Variants in LRFN2 observed in about 807,000 individuals in gnomAD.
LRFN2 encodes leucine rich repeat and fibronectin type III domain containing 2.
Under a neutral mutation model 37.3 loss-of-function variants are expected in LRFN2, and 18 were observed. The ratio of observed to expected loss-of-function variants is 0.48; its 90% confidence interval spans 0.33 to 0.72. LRFN2 has a LOEUF of 0.72. LRFN2 is among the 30% of genes least tolerant of loss of function. LRFN2 has a pLI of 0.02. For missense variants in LRFN2, 1,006 were observed against 1,060.7 expected, an observed-to-expected ratio of 0.95 and a Z score of 0.72; for synonymous variants, 556 against 466.6, an observed-to-expected ratio of 1.19 and a Z score of -2.47.
At chr6:40,459,992 C>T (rs1028461309) in intron 1 of LRFN2, among the ~76,000 whole-genome samples, 1 of 152,172 alleles carries the variant, frequency 6.6e-6, no homozygotes, top group Non-Finnish European at 1.5e-5. Flanking sequence ...ATATTTATAA[C>T]CACTGTACAA....
In LRFN2 at chr6:40,408,613, C is replaced by G. The variant is rs1762897149; in HGVS notation, c.1401-15701G>C. Among the ~76,000 whole-genome samples the G allele has an allele frequency of 2.0e-5, 3 of 152,234 alleles. No homozygotes were observed. In the South Asian group the frequency reaches 6.2e-4, roughly 32 times the overall value. On this transcript the variant is annotated intron_variant, in intron 2 of 2. Coordinates refer to ENST00000338305, the MANE Select transcript of LRFN2 (RefSeq NM_020737.3). ...GCTGGGCCTGGGTTCAAATCCTGCT[C>G]TAGCAATGACTAGCTGCGTGACCCT...
intron 1 of LRFN2, among the ~76,000 whole-genome samples, chr6:40,506,239 G>A (rs1011551039): frequency 2.6e-5 from 4 of 152,260 alleles, no homozygotes; most frequent in South Asian, 2.1e-4. Context: ...AGAATAAGCC[G>A]TGTCATGGAA....
intron 1 of LRFN2, among the ~76,000 whole-genome samples, chr6:40,495,676 C>T (rs1267841536): frequency 1.3e-5 from 2 of 152,170 alleles, no homozygotes; most frequent in African/African-American, 4.8e-5. Flanking sequence ...AATGTATGAG[C>T]TAGTCAGTTT....
At chr6:40,486,404 C>T (rs1581742341) in intron 1 of LRFN2, among the ~76,000 whole-genome samples, 1 of 152,130 alleles carries the variant, frequency 6.6e-6, no homozygotes, top group African/African-American at 2.4e-5. Flanking sequence ...TAACAAAAGG[C>T]GGGACCCCTG....
intron 1 of LRFN2, among the ~76,000 whole-genome samples, chr6:40,442,066 C>A (rs547127883): frequency 6.6e-6 from 1 of 152,176 alleles, no homozygotes; most frequent in Non-Finnish European, 1.5e-5. Context: ...ACCCCTTACT[C>A]CCTCCTGCTC....
intron 1 of LRFN2, among the ~76,000 whole-genome samples, chr6:40,504,681 C>T (rs78907002): frequency 0.014 from 2,141 of 152,282 alleles, 26 homozygotes; most frequent in Non-Finnish European, 0.02. Context: ...TGAAGCCCAG[C>T]TAGAAATCAC....
chr6:40,532,893 G>A (rs1766373008), intron 1 of LRFN2, among the ~76,000 whole-genome samples: 1 of 152,156 alleles, frequency 6.6e-6, no homozygotes, highest in African/African-American at 2.4e-5. Context: ...CAATAATGAA[G>A]GCCTCCAGCC....
chr6:40,566,555 TA>T (rs1029268266), intron 1 of LRFN2, among the ~76,000 whole-genome samples: 7 of 151,656 alleles, frequency 4.6e-5, no homozygotes, highest in African/African-American at 1.7e-4. Context: ...TATGCAGCCA[TA>T]AAAAATGATG....
chr6:40,429,846 T>G (rs1385381293), intron 2 of LRFN2, among the ~76,000 whole-genome samples: 1 of 152,134 alleles, frequency 6.6e-6, no homozygotes, highest in Admixed American at 6.6e-5. Flanking sequence ...TAAAAAATAT[T>G]TTAATACCAT....
intron 1 of LRFN2, among the ~76,000 whole-genome samples, chr6:40,485,993 T>G (rs1764949650): frequency 6.6e-6 from 1 of 152,196 alleles, no homozygotes; most frequent in Non-Finnish European, 1.5e-5. Flanking sequence ...CAGCCCCCAC[T>G]GGAGAACTCA....
At chr6:40,467,957 C>G (rs1192768383) in intron 1 of LRFN2, among the ~76,000 whole-genome samples, 1 of 152,272 alleles carries the variant, frequency 6.6e-6, no homozygotes. Flanking sequence ...TGAGGGTAGA[C>G]AGCCTCTGCT....
intron 1 of LRFN2, among the ~76,000 whole-genome samples, chr6:40,553,966 C>T (rs750228497): frequency 1.2e-4 from 18 of 152,162 alleles, no homozygotes; most frequent in Non-Finnish European, 2.4e-4. Context: ...CCAGAGAGGC[C>T]GCTGTCTCTC....
At chr6:40,490,121 A>T (rs1191412615) in intron 1 of LRFN2, among the ~76,000 whole-genome samples, 2 of 152,204 alleles carry the variant, frequency 1.3e-5, no homozygotes, top group African/African-American at 4.8e-5. Flanking sequence ...CCAGGAGAGA[A>T]GTCAGACCCC....
At chr6:40,407,433 AATGGGAGAGTAAT>A (rs1456113664) in intron 2 of LRFN2, among the ~76,000 whole-genome samples, 3 of 152,196 alleles carry the variant, frequency 2.0e-5, no homozygotes, top group Admixed American at 6.5e-5. Context: ...TCACATGTGA[AATGGGAGAGTAAT>A]ACTAGCCTTC....
chr6:40,554,758 C>A (rs995118458), intron 1 of LRFN2, among the ~76,000 whole-genome samples: 90 of 151,982 alleles, frequency 5.9e-4, no homozygotes, highest in Non-Finnish European at 1.2e-4. Context: ...TACTTGACTC[C>A]CCCTCTGAAA....
chr6:40,453,513 AACACACACACACACACACAC>A (rs5875719), intron 1 of LRFN2, among the ~76,000 whole-genome samples: 2 of 119,740 alleles, frequency 1.7e-5, no homozygotes, highest in Non-Finnish European at 3.6e-5. Context: ...CCCCAAGCCA[AACACACACACACACACACAC>A]ACACACACAC....
At position 40,466,955 on chromosome 6, in the gene LRFN2, G is replaced by A. The variant is rs941322783; in HGVS notation, c.-18-33824C>T. On this transcript the variant is annotated intron_variant, in intron 1 of 2. Coordinates refer to ENST00000338305, the MANE Select transcript of LRFN2 (RefSeq NM_020737.3). Reference sequence around the variant, plus strand: ...AAGTATGGACATGGACACACACAGAGGAAAAATCATGGGAAGACAGAGGGA... The same window carrying A: ...AAGTATGGACATGGACACACACAGAAGAAAAATCATGGGAAGACAGAGGGA... Among the ~76,000 whole-genome samples the A allele has an allele frequency of 9.9e-5, 15 of 151,956 alleles. 1 individual carries two copies. The highest frequency in any genetic ancestry group is 2.0e-4 in the Admixed American group (3 of 15,260).
At chr6:40,559,246 C>A (rs73732756) in intron 1 of LRFN2, among the ~76,000 whole-genome samples, 3 of 152,028 alleles carry the variant, frequency 2.0e-5, no homozygotes, top group African/African-American at 7.3e-5. Flanking sequence ...GGGAAGAGCC[C>A]GGCAGTGAGC....
intron 2 of LRFN2, among the ~76,000 whole-genome samples, chr6:40,394,663 G>A (rs1189276284): frequency 2.0e-5 from 3 of 152,160 alleles, no homozygotes; most frequent in African/African-American, 7.2e-5. Context: ...ATATGGTTTG[G>A]CTGTGTCCCC....
Sources: gnomAD v4.1 joint callset for allele counts (sites outside exome capture counted in the v4.1 genomes callset) on GRCh38, gnomAD v4.1.1 for gene constraint, MANE v1.5 for transcripts, NCBI Gene and HGNC (gene_info 2026-07-23, HGNC 2026-07-21) for gene names.